Variants in PEX5L observed in about 807,000 individuals in gnomAD.
The protein encoded by PEX5L is peroxisomal biogenesis factor 5 like.
A neutral mutation model predicts 84.0 loss-of-function variants in PEX5L; 30 were observed. The observed-to-expected ratio is 0.36, with a 90% CI of 0.27 to 0.48. The LOEUF (loss-of-function observed/expected upper bound fraction) is 0.48. PEX5L is among the 20% of genes least tolerant of loss of function. The pLI is 0.99. For missense variants in PEX5L, 533 were observed against 754.6 expected (o/e 0.71, Z 3.44); for synonymous variants, 270 against 283.1 (o/e 0.95, Z 0.46).
At chr3:179,947,597 A>G (rs1447610356) in intron 2 of PEX5L, among the ~76,000 whole-genome samples, 2 of 152,186 alleles carry the variant, frequency 1.3e-5, no homozygotes, top group Non-Finnish European at 2.9e-5. Flanking sequence ...CAAACAAAGC[A>G]AAAACAATAT....
At chr3:179,936,330 T>C (rs1774591837) in intron 2 of PEX5L, among the ~76,000 whole-genome samples, 1 of 152,244 alleles carries the variant, frequency 6.6e-6, no homozygotes, top group Non-Finnish European at 1.5e-5. Flanking sequence ...ATGGGATTCA[T>C]CTATGTACTT....
chr3:179,901,721 T>G (rs1578216193), intron 2 of PEX5L, among the ~76,000 whole-genome samples: 3 of 152,226 alleles, frequency 2.0e-5, no homozygotes, highest in Non-Finnish European at 2.9e-5. Flanking sequence ...ATATTTTTAT[T>G]TCTTCCGTCA....
At chr3:179,837,022 T>C (rs748307884) in intron 8 of PEX5L, among the ~76,000 whole-genome samples, 9 of 152,204 alleles carry the variant, frequency 5.9e-5, no homozygotes, top group Non-Finnish European at 1.0e-4. Context: ...AGAAAAATTA[T>C]ATTTTAGAAG....
At chr3:179,895,703 A>G (rs564398681) in intron 3 of PEX5L, 1 of 152,252 alleles carries the variant, frequency 6.6e-6, no homozygotes, top group South Asian at 2.1e-4. Flanking sequence ...ACACACAGTA[A>G]TAATCACATA....
At chr3:179,930,885 G>GT (rs34675596) in intron 2 of PEX5L, among the ~76,000 whole-genome samples, 2,984 of 152,230 alleles carry the variant, frequency 0.02, 47 homozygotes, top group Middle Eastern at 0.037. Context: ...TTTAAGCACA[G>GT]TTTTTTTCAG....
At chr3:179,986,369 G>A (rs1408824237) in intron 1 of PEX5L, among the ~76,000 whole-genome samples, 1 of 150,600 alleles carries the variant, frequency 6.6e-6, no homozygotes, top group Admixed American at 6.6e-5. Flanking sequence ...TTCCAAATGA[G>A]GAAATGGAAA....
intron 1 of PEX5L, among the ~76,000 whole-genome samples, chr3:179,999,804 G>A (rs1377680971): frequency 1.3e-5 from 2 of 152,164 alleles, no homozygotes; most frequent in Admixed American, 1.3e-4. Context: ...TCATGCTCAT[G>A]GAACTCACTG....
chr3:180,020,731 G>A (rs1256963007), intron 1 of PEX5L, among the ~76,000 whole-genome samples: 1 of 152,052 alleles, frequency 6.6e-6, no homozygotes. Context: ...CATTACTCAA[G>A]AATAATTGAT....
At chr3:179,959,159 T>C (rs1578988265) in intron 2 of PEX5L, among the ~76,000 whole-genome samples, 1 of 81,816 alleles carries the variant, frequency 1.2e-5, no homozygotes, top group South Asian at 5.2e-4. Context: ...ATGCTGATGC[T>C]GTGGTCCATG....
At chr3:179,904,663 T>A (rs1449073778) in intron 2 of PEX5L, among the ~76,000 whole-genome samples, 2 of 152,214 alleles carry the variant, frequency 1.3e-5, no homozygotes, top group Non-Finnish European at 2.9e-5. Context: ...TATTATTACA[T>A]ATTAATTGTT....
intron 10 of PEX5L, among the ~76,000 whole-genome samples, chr3:179,815,261 T>C (rs1021647140): frequency 6.6e-6 from 1 of 152,184 alleles, no homozygotes. Context: ...CTATATACTG[T>C]CCCTTGAAAA....
chr3:180,016,605 A>G (rs55903935), intron 1 of PEX5L, among the ~76,000 whole-genome samples: 18,556 of 152,240 alleles, frequency 0.12, 1,235 homozygotes, highest in African/African-American at 0.17. Context: ...AGCTGGAGCC[A>G]GAGGGGCTCC....
intron 8 of PEX5L, among the ~76,000 whole-genome samples, chr3:179,854,282 C>G (rs191907966): frequency 6.6e-6 from 1 of 152,056 alleles, no homozygotes; most frequent in African/African-American, 2.4e-5. Context: ...AGGTCATTTA[C>G]TACAAACAAT....
intron 10 of PEX5L, 81 bp from the exon 11 acceptor site, chr3:179,811,952 G>A: frequency 9.2e-7 from 1 of 1,082,706 alleles, no homozygotes; most frequent in South Asian, 1.2e-5. Context: ...GACCTGTGAT[G>A]GATCCCCTAT....
intron 8 of PEX5L, among the ~76,000 whole-genome samples, chr3:179,857,925 T>C (rs1290060319): frequency 6.6e-6 from 1 of 152,152 alleles, no homozygotes; most frequent in East Asian, 1.9e-4. Context: ...TTTTTTTTAA[T>C]TAAAAAAGGA....
Position 179,801,213 on chromosome 3 carries a change from G to GA in PEX5L, c.*614dup, listed in dbSNP as rs1289426707. 6.5e-6 allele frequency: 1 copy of GA among 153,610 alleles called. No individual in the cohort carries two copies. Among genetic ancestry groups the GA allele is most frequent in the Non-Finnish European group, 1.5e-5 (1 of 68,740 alleles). The allele number at this position is 153,610 out of a possible 1,614,324, so 9.5% of individuals were successfully genotyped here. On this transcript the variant is annotated 3_prime_UTR_variant, in exon 15 of 15. Coordinates refer to ENST00000467460, the MANE Select transcript of PEX5L (RefSeq NM_016559.3). ...ATTAAAGTGCATATATACAATACCA[G>GA]AAAAGTTTAGATTGGGAACAGCAAA...
chr3:180,000,625 A>G (rs1227860015), intron 1 of PEX5L, among the ~76,000 whole-genome samples: 1 of 152,170 alleles, frequency 6.6e-6, no homozygotes, highest in African/African-American at 2.4e-5. Context: ...TGTAATTGAC[A>G]TATTTCCTCC....
At chr3:179,930,274 T>A (rs1378806336) in intron 2 of PEX5L, among the ~76,000 whole-genome samples, 1 of 152,234 alleles carries the variant, frequency 6.6e-6, no homozygotes, top group Non-Finnish European at 1.5e-5. Context: ...TACCTTATTC[T>A]TTTTTCTAGA....
intron 14 of PEX5L, among the ~76,000 whole-genome samples, chr3:179,805,363 T>G (rs569932480): frequency 6.6e-6 from 1 of 152,096 alleles, no homozygotes; most frequent in South Asian, 2.1e-4. Context: ...CCGTGGGGGA[T>G]TGGTTTCATG....
Sources: allele counts gnomAD v4.1 joint callset (sites outside exome capture counted in the v4.1 genomes callset), GRCh38; gene constraint gnomAD v4.1.1; transcripts MANE v1.5; gene names NCBI Gene and HGNC (gene_info 2026-07-23, HGNC 2026-07-21).